Variants in SULF2 observed in about 807,000 individuals in gnomAD.
SULF2 encodes extracellular sulfatase Sulf-2.
A neutral mutation model predicts 107.7 loss-of-function variants in SULF2; 52 were observed. The ratio of observed to expected loss-of-function variants is 0.48; its 90% CI spans 0.39 to 0.61. SULF2 has a LOEUF of 0.61. SULF2 is among the 20% of genes least tolerant of loss of function. The probability of loss-of-function intolerance (pLI) is 0.00; values close to 1 mark genes in which losing one functional copy is unlikely to be tolerated. For synonymous variants in SULF2, 460 were observed against 464.3 expected, an observed-to-expected ratio of 0.99 and a Z score of 0.12; for missense variants, 993 against 1,177.3, an observed-to-expected ratio of 0.84 and a Z score of 2.29.
intron 4 of SULF2, among the ~76,000 whole-genome samples, chr20:47,701,947 T>A (rs140243706): frequency 6.6e-6 from 1 of 152,316 alleles, no homozygotes; most frequent in Non-Finnish European, 1.5e-5. Flanking sequence ...GCGGCAAGCC[T>A]TTGAATGGTA....
rs182207640 is a variant in SULF2, at chr20:47,780,639, C to T, written c.-101+4704G>A. Among the ~76,000 whole-genome samples the T allele has an allele frequency of 1.1e-4, 16 of 152,088 alleles. No individual in the cohort carries two copies. The South Asian group carries it at 2.1e-3, about 20-fold the overall frequency. ...TGCGATCTCAGCTCACTGCAACCTC[C>T]GACTCCTGGGTTCAAGCGATTCTGG... On this transcript the variant is annotated intron_variant, in intron 1 of 20. Coordinates refer to ENST00000688720, the MANE Select transcript of SULF2 (RefSeq NM_001387048.1).
intron 3 of SULF2, among the ~76,000 whole-genome samples, chr20:47,719,896 C>G (rs1817817342): frequency 6.6e-6 from 1 of 152,212 alleles, no homozygotes; most frequent in South Asian, 2.1e-4. Context: ...TTACTAATCT[C>G]CACCATGCAG....
At chr20:47,658,429 A>C in intron 20 of SULF2, 37 bp from the exon 21 acceptor site, 1 of 1,610,558 alleles carries the variant, frequency 6.2e-7, no homozygotes, top group Non-Finnish European at 8.5e-7. Flanking sequence ...GCACTTAGCT[A>C]TCATGGTCTT....
At chr20:47,740,239 A>C (rs2089845363) in intron 2 of SULF2, among the ~76,000 whole-genome samples, 1 of 152,252 alleles carries the variant, frequency 6.6e-6, no homozygotes, top group Admixed American at 6.5e-5. Context: ...TGACTGGCTA[A>C]GGCTGCACAG....
At chr20:47,724,928 C>T (rs1238477269) in intron 3 of SULF2, among the ~76,000 whole-genome samples, 1 of 152,188 alleles carries the variant, frequency 6.6e-6, no homozygotes, top group African/African-American at 2.4e-5. Context: ...ACAAAAGCTA[C>T]CTATGCATGT....
intron 10 of SULF2, among the ~76,000 whole-genome samples, chr20:47,673,111 G>A (rs1318644529): frequency 6.6e-6 from 1 of 152,212 alleles, no homozygotes; most frequent in African/African-American, 2.4e-5. Flanking sequence ...TGATCCTTCT[G>A]CTCTTCCCCA....
chr20:47,697,133 A>G (rs2045981734), intron 4 of SULF2, among the ~76,000 whole-genome samples: 1 of 152,152 alleles, frequency 6.6e-6, no homozygotes, highest in African/African-American at 2.4e-5. Context: ...AGCTACCTGG[A>G]AGCCTCTTTT....
At position 47,702,537 on chromosome 20, in the gene SULF2, G is replaced by A. The variant is rs749100638; in HGVS notation, c.549C>T (p.His183=). 9.9e-6 allele frequency: 16 copies of A among 1,612,408 alleles called. No homozygotes were observed. The highest frequency in any genetic ancestry group is 5.3e-5 in the African/African-American group (4 of 74,866). The part of the protein sequence containing the change: ...TLCRNGVKEK[H]GSDYSKDYLT... Reference sequence around the variant, plus strand: ...AGCTTACCTTGGAGTAGTCGGAGCCGTGCTTCTCTTTCACCCCGTTCCGAC... The same window carrying A: ...AGCTTACCTTGGAGTAGTCGGAGCCATGCTTCTCTTTCACCCCGTTCCGAC... The change falls in exon 4 of 21, where the codon CAC becomes CAT. Residue 183 remains histidine, a synonymous_variant. Transcript: ENST00000688720.
chr20:47,710,886 C>T (rs762831233), intron 3 of SULF2, among the ~76,000 whole-genome samples: 12 of 152,234 alleles, frequency 7.9e-5, no homozygotes, highest in Admixed American at 4.6e-4. Context: ...TCCTGGGGAA[C>T]GATTCGGAGC....
chr20:47,726,132 C>T (rs1358187569), intron 3 of SULF2, among the ~76,000 whole-genome samples: 6 of 152,298 alleles, frequency 3.9e-5, no homozygotes, highest in Non-Finnish European at 8.8e-5. Context: ...CCACCACCCC[C>T]TGCGTTTTTA....
rs148405296 is a variant in SULF2 at position 47,678,931 on chromosome 20, C to T, written c.1065-127G>A. 16 of 774,798 alleles carry T rather than the reference C, an allele frequency of 2.1e-5. No homozygotes were observed. Among genetic ancestry groups the T allele is most frequent in the East Asian group, 2.5e-5 (1 of 39,424 alleles). The allele number at this position is 774,798 out of a possible 1,614,324, so 48.0% of individuals were successfully genotyped here. ...CTGACATCTGCAGGTATGGAAGCTG[C>T]AGTCTGGCACCTCAACCTCAGCAGC... On this transcript the variant is annotated intron_variant, in intron 7 of 20. Coordinates refer to ENST00000688720, the MANE Select transcript of SULF2 (RefSeq NM_001387048.1). This position sits in a 1 kb window ranked among gnomAD's most constrained non-coding sequence, Gnocchi z 4.5.
intron 1 of SULF2, among the ~76,000 whole-genome samples, chr20:47,771,853 C>A (rs749879917): frequency 6.6e-6 from 1 of 152,208 alleles, no homozygotes; most frequent in Non-Finnish European, 1.5e-5. Flanking sequence ...GCCGGAACTC[C>A]GCCTGGGATA....
chr20:47,737,746 C>CTTTTT (rs1555850608), intron 2 of SULF2, among the ~76,000 whole-genome samples: 3 of 113,976 alleles, frequency 2.6e-5, no homozygotes, highest in African/African-American at 9.9e-5. Flanking sequence ...TTGTTTCTTT[C>CTTTTT]TTTTCTTTGT....
At position 47,682,975 on chromosome 20, in the gene SULF2, T is replaced by TG. The variant is rs3215941; in HGVS notation, c.1064+18dup. 208,090 of 1,581,226 alleles carry TG rather than the reference T, an allele frequency of 0.13. 14,237 individuals carry two copies. Among genetic ancestry groups the TG allele is most frequent in the African/African-American group, 0.16 (12,105 of 74,406 alleles). ...GGGCCCAGGGGCCTCCCTGGGTCCC[T>TG]GGGGGATGACACACTTACAGACAGC... On this transcript the variant is annotated intron_variant, in intron 7 of 20. Transcript: ENST00000688720.
chr20:47,777,040 G>A (rs1005860891), intron 1 of SULF2, among the ~76,000 whole-genome samples: 4 of 152,210 alleles, frequency 2.6e-5, no homozygotes, highest in East Asian at 1.9e-4. Flanking sequence ...GGGATACAGC[G>A]ATGAACAAGA....
intron 1 of SULF2, among the ~76,000 whole-genome samples, chr20:47,774,698 A>G (rs2090694135): frequency 1.3e-5 from 2 of 152,136 alleles, no homozygotes; most frequent in South Asian, 4.1e-4. Context: ...GGGGCGGTGC[A>G]GAGATTTCTA....
Position 47,665,294 on chromosome 20 carries a change from C to A in SULF2, c.1903-1G>T. ...TAATTTTGTTCTGCAGGGTTTCAAT[C>A]TGAGGGAGGGGCAGAAGAGGAGGCC... On this transcript the variant is annotated splice_acceptor_variant, in intron 13 of 20. Transcript: ENST00000688720. LOFTEE classifies it high-confidence loss of function. The A allele has an allele frequency of 6.2e-7, 1 of 1,604,352 alleles. No homozygotes were observed. Among genetic ancestry groups the A allele is most frequent in the Non-Finnish European group, 8.5e-7 (1 of 1,171,310 alleles).
At chr20:47,712,391 G>T (rs78719284) in intron 3 of SULF2, among the ~76,000 whole-genome samples, 9 of 152,238 alleles carry the variant, frequency 5.9e-5, no homozygotes, top group Non-Finnish European at 1.3e-4. Context: ...CAGGTCAGAT[G>T]AGAAGTTGTC....
chr20:47,686,671 G>A (rs879504607), intron 5 of SULF2, among the ~76,000 whole-genome samples: 22 of 152,224 alleles, frequency 1.4e-4, no homozygotes, highest in Non-Finnish European at 2.1e-4. Flanking sequence ...CTTCAGCAGC[G>A]TCTCAGATAT....
Sources: gnomAD v4.1 joint callset for allele counts (sites outside exome capture counted in the v4.1 genomes callset) on GRCh38, gnomAD v4.1.1 for gene constraint, Gnocchi (gnomAD v3.1) non-coding constraint, MANE v1.5 for transcripts, NCBI Gene and HGNC (gene_info 2026-07-23, HGNC 2026-07-21) for gene names.